The following PAM16 variants were observed in gnomAD, a reference collection of about 807,000 sequenced individuals.
PAM16 encodes presequence translocase associated motor 16.
In PAM16, 11 loss-of-function variants were observed where a neutral mutation model predicts 17.9. That is an observed-to-expected ratio of 0.62 (90% CI 0.39 to 1.02). The LOEUF (loss-of-function observed/expected upper bound fraction) is 1.02, where lower values mean the gene tolerates loss of function less well. Among genes scored for constraint, PAM16 ranks in the 50% least tolerant of loss-of-function variants. The probability of loss-of-function intolerance (pLI) is 0.01; values close to 1 mark genes in which losing one functional copy is unlikely to be tolerated. For synonymous variants in PAM16, 72 were observed against 67.4 expected, an observed-to-expected ratio of 1.07 and a Z score of -0.34; for missense variants, 199 against 165.4, an observed-to-expected ratio of 1.20 and a Z score of -1.11.
intron 2 of PAM16, 177 bp from the exon 3 acceptor site, chr16:4,341,681 G>GT: frequency 9.1e-7 from 1 of 1,102,056 alleles, no homozygotes; most frequent in Non-Finnish European, 1.3e-6. Flanking sequence ...GGCTGGGAAA[G>GT]TGAGGACAGA....
chr16:4,345,735 C>A (rs909012358), intron 1 of PAM16: 2 of 410,890 alleles, frequency 4.9e-6, no homozygotes, highest in Non-Finnish European at 6.6e-6. Context: ...TGTGGCTGTA[C>A]TGCAGATGAG....
chr16:4,344,171 G>C (rs2053696156), intron 1 of PAM16: 2 of 391,344 alleles, frequency 5.1e-6, no homozygotes, highest in Middle Eastern at 6.2e-4. Context: ...TCAAGACTGA[G>C]ATGGGATTCG....
Position 4,343,308 on chromosome 16 carries a change from C to T in PAM16, c.4-17G>A, listed in dbSNP as rs760497967. On this transcript the variant is annotated splice_polypyrimidine_tract_variant and intron_variant, in intron 1 of 4. Coordinates refer to ENST00000318059, the MANE Select transcript of PAM16 (RefSeq NM_016069.11). ...GTACTTGGCCTGTGGGCAAAGCAGG[C>T]ACCCGGTTAGCAGGCCACTCCCTGT... 1 of 1,595,394 alleles carries T rather than the reference C, an allele frequency of 6.3e-7. No homozygotes were observed. Among genetic ancestry groups the T allele is most frequent in the Admixed American group, 1.7e-5 (1 of 57,530 alleles).
intron 1 of PAM16, among the ~76,000 whole-genome samples, chr16:4,350,014 A>G (rs1596256674): frequency 6.6e-6 from 1 of 152,276 alleles, no homozygotes; most frequent in Middle Eastern, 3.4e-3. Flanking sequence ...TTACTATGTT[A>G]GTTAAGAAGT....
At chr16:4,343,126 G>A in intron 2 of PAM16, 81 bp downstream of exon 2, 1 of 1,587,132 alleles carries the variant, frequency 6.3e-7, no homozygotes, top group Non-Finnish European at 8.6e-7. Flanking sequence ...GAACCGCCAG[G>A]CCTGAGGTGC....
At chr16:4,340,541 T>G in intron 4 of PAM16, 136 bp from the exon 5 acceptor site, 1 of 980,000 alleles carries the variant, frequency 1.0e-6, no homozygotes. Context: ...CTTCCTTCAG[T>G]GGCACCCCAG....
At chr16:4,350,386 G>A (rs988898169) in intron 1 of PAM16, among the ~76,000 whole-genome samples, 3 of 149,376 alleles carry the variant, frequency 2.0e-5, no homozygotes, top group African/African-American at 7.4e-5. Context: ...AAATGTATAC[G>A]GTATATATAA....
intron 2 of PAM16, 25 bp downstream of exon 2, chr16:4,343,182 A>G (rs2053676298): frequency 1.2e-6 from 2 of 1,612,030 alleles, no homozygotes; most frequent in South Asian, 2.2e-5. Flanking sequence ...CTCCCAGCCC[A>G]CAGGGGAGAC....
intron 1 of PAM16, chr16:4,348,405 TCACAGCGCCTGG>T (rs1225395431): frequency 6.6e-6 from 1 of 152,582 alleles, no homozygotes; most frequent in Non-Finnish European, 1.5e-5. Flanking sequence ...AGCTTGGCAT[TCACAGCGCCTGG>T]TCTGGCCTCA....
intron 3 of PAM16, 123 bp from the exon 4 acceptor site, chr16:4,341,108 C>G: frequency 7.6e-7 from 1 of 1,319,244 alleles, no homozygotes; most frequent in Non-Finnish European, 1.1e-6. Context: ...CCACACCCAG[C>G]TGTTGTGGCC....
intron 2 of PAM16, among the ~76,000 whole-genome samples, chr16:4,342,447 G>C (rs2053663767): frequency 6.6e-6 from 1 of 151,670 alleles, no homozygotes; most frequent in Admixed American, 6.6e-5. Flanking sequence ...GTGAGGTTGG[G>C]AGTTCAAGAC....
chr16:4,341,452 G>T lies in PAM16; in HGVS notation c.141C>A (p.Ala47=). 2 of 1,609,638 alleles carry T rather than the reference G, an allele frequency of 1.2e-6. No individual in the cohort carries two copies. Among genetic ancestry groups the T allele is most frequent in the Non-Finnish European group, 1.7e-6 (2 of 1,178,884 alleles). The change falls in exon 3 of 5, where the codon GCC becomes GCA. Residue 47 remains alanine, a synonymous_variant. Transcript: ENST00000318059. ...ARGRAGHRSA[A]ASNLSGLSLQ... The stretch of plus-strand genomic sequence containing the variant: ...GGCTGAGGCCGGAGAGGTTGGAAGC[G>T]GCTGCAGACCGGTGTCCAGCGCGTC...
In PAM16 at chr16:4,340,994, G is replaced by C. The variant is rs764462507; in HGVS notation, c.226-9C>G. 2.5e-6 allele frequency: 4 copies of C among 1,612,888 alleles called. No individual in the cohort carries two copies. In the Admixed American group the frequency reaches 6.7e-5, roughly 27 times the overall value. ...AATAAGTGTTCATAGTTCTGCAGAG[G>C]AGAGGGGACGGGTGAGAGGGCTGCA... is the stretch of plus-strand genomic sequence containing the variant. On this transcript the variant is annotated splice_polypyrimidine_tract_variant and intron_variant, in intron 3 of 4. Coordinates refer to ENST00000318059, the MANE Select transcript of PAM16 (RefSeq NM_016069.11).
rs916604461 is a variant in PAM16, at chr16:4,351,166, G to GCCCGGCC, written c.3+59_3+65dup. 78 of 1,040,360 alleles carry GCCCGGCC rather than the reference G, an allele frequency of 7.5e-5. No individual in the cohort carries two copies. The South Asian group carries it at 1.4e-3, about 19-fold the overall frequency. 64.4% of individuals were successfully genotyped at this position (1,040,360 alleles called of 1,614,324 possible). On this transcript the variant is annotated intron_variant, in intron 1 of 4. Coordinates refer to ENST00000318059, the MANE Select transcript of PAM16 (RefSeq NM_016069.11). ...CCCGCCGCCCAGCCCGGAGCTCGCC[G>GCCCGGCC]CCCGGCCCCCGGCCCCCGGCCCGAC...
chr16:4,349,516 G>A (rs1349152120), intron 1 of PAM16, among the ~76,000 whole-genome samples: 1 of 152,174 alleles, frequency 6.6e-6, no homozygotes, highest in Non-Finnish European at 1.5e-5. Flanking sequence ...AGCCCCAGGA[G>A]GTTGAGGCTG....
At chr16:4,346,751 G>C (rs922491775) in intron 1 of PAM16, 1 of 151,914 alleles carries the variant, frequency 6.6e-6, no homozygotes, top group Non-Finnish European at 1.5e-5. Flanking sequence ...ACTGACTCTC[G>C]CTCTGTCACC....
chr16:4,345,778 G>A (rs952322811), intron 1 of PAM16: 43 of 923,826 alleles, frequency 4.7e-5, no homozygotes, highest in Non-Finnish European at 5.3e-5. Flanking sequence ...TGACACCTGC[G>A]GTCTCACCTG....
chr16:4,344,892 G>T (rs951856317), intron 1 of PAM16, among the ~76,000 whole-genome samples: 1 of 151,694 alleles, frequency 6.6e-6, no homozygotes, highest in African/African-American at 2.4e-5. Context: ...GGGCTTTGCA[G>T]GGTAGGAAGA....
In PAM16 at chr16:4,340,268, T is replaced by C. The variant is rs1386636947; in HGVS notation, c.*51A>G. The C allele has an allele frequency of 6.4e-7, 1 of 1,568,622 alleles. No homozygotes were observed. The highest frequency in any genetic ancestry group is 1.1e-5 in the South Asian group (1 of 90,126). The stretch of plus-strand genomic sequence containing the variant: ...ACGAGAAATGCAGAAAAGAAATTTA[T>C]TACCAAGCTATAAATTAGAGGCGGC... On this transcript the variant is annotated 3_prime_UTR_variant, in exon 5 of 5. Coordinates refer to ENST00000318059, the MANE Select transcript of PAM16 (RefSeq NM_016069.11).
Sources: gnomAD v4.1 joint callset for allele counts (sites outside exome capture counted in the v4.1 genomes callset) on GRCh38, gnomAD v4.1.1 for gene constraint, MANE v1.5 for transcripts, NCBI Gene and HGNC (gene_info 2026-07-23, HGNC 2026-07-21) for gene names.